PID1: variants seen among roughly 807,000 people sequenced by gnomAD.
The protein encoded by PID1 is PTB-containing, cubilin and LRP1-interacting protein.
Under a neutral mutation model 19.1 loss-of-function variants are expected in PID1, and 10 were observed. The observed-to-expected ratio is 0.52, with a 90% CI of 0.32 to 0.89. The LOEUF (loss-of-function observed/expected upper bound fraction) is 0.89. Among genes scored for constraint, PID1 ranks in the 40% least tolerant of loss-of-function variants. PID1 has a pLI of 0.03. For synonymous variants in PID1, 130 were observed against 116.0 expected, an observed-to-expected ratio of 1.12 and a Z score of -0.78; for missense variants, 248 against 285.3, an observed-to-expected ratio of 0.87 and a Z score of 0.94.
chr2:229,184,345 C>CAT (rs373286075), intron 1 of PID1, among the ~76,000 whole-genome samples: 24,902 of 27,300 alleles, frequency 0.91, 12,316 homozygotes, highest in Middle Eastern at 1. Context: ...ATATATATCC[C>CAT]ATATATATAT....
At chr2:229,174,735 AAAAAG>A (rs1344834055) in intron 1 of PID1, among the ~76,000 whole-genome samples, 101 of 152,210 alleles carry the variant, frequency 6.6e-4, no homozygotes, top group African/African-American at 2.4e-3. Context: ...AAAAAAAAAA[AAAAAG>A]AAAGAGAGTA....
chr2:229,192,599 C>T (rs1691283508), intron 1 of PID1, among the ~76,000 whole-genome samples: 1 of 152,118 alleles, frequency 6.6e-6, no homozygotes, highest in African/African-American at 2.4e-5. Context: ...AGGTTAACAA[C>T]AAAAGTATCT....
chr2:229,248,322 A>T (rs746856541), intron 1 of PID1, among the ~76,000 whole-genome samples: 21 of 152,146 alleles, frequency 1.4e-4, no homozygotes, highest in Admixed American at 4.6e-4. Flanking sequence ...TAGAGAATAC[A>T]TGCTCCTGGA....
intron 1 of PID1, among the ~76,000 whole-genome samples, chr2:229,231,502 C>T (rs887224577): frequency 3.9e-5 from 6 of 152,052 alleles, no homozygotes; most frequent in South Asian, 2.1e-4. Flanking sequence ...AGGCATTTAA[C>T]GTGTGCTCTC....
intron 1 of PID1, among the ~76,000 whole-genome samples, chr2:229,246,618 G>A (rs55923451): frequency 0.14 from 21,737 of 152,098 alleles, 1,756 homozygotes; most frequent in South Asian, 0.18. Context: ...AACCATCCAC[G>A]GAACAAATAA....
At chr2:229,245,604 G>GGCA (rs1403208638) in intron 1 of PID1, among the ~76,000 whole-genome samples, 1 of 152,028 alleles carries the variant, frequency 6.6e-6, no homozygotes, top group Non-Finnish European at 1.5e-5. Flanking sequence ...GGGGGTCTGG[G>GGCA]GCAGCTATGC....
chr2:229,248,391 T>C (rs1428114662), intron 1 of PID1, among the ~76,000 whole-genome samples: 1 of 152,240 alleles, frequency 6.6e-6, no homozygotes, highest in East Asian at 1.9e-4. Context: ...CAGACGATCA[T>C]GGTTTGCCTC....
chr2:229,112,389 C>T (rs888002280), intron 2 of PID1, among the ~76,000 whole-genome samples: 12 of 152,270 alleles, frequency 7.9e-5, no homozygotes, highest in African/African-American at 1.7e-4. Flanking sequence ...AAACGTTAAA[C>T]GCTCCTTAGC....
intron 2 of PID1, among the ~76,000 whole-genome samples, chr2:229,149,605 G>A (rs746656120): frequency 6.4e-4 from 98 of 152,060 alleles, no homozygotes; most frequent in Non-Finnish European, 1.3e-3. Flanking sequence ...TGAAGGCAAG[G>A]AATCTCAAAA....
At chr2:229,263,836 C>G (rs534009976) in intron 1 of PID1, among the ~76,000 whole-genome samples, 1 of 152,286 alleles carries the variant, frequency 6.6e-6, no homozygotes, top group Admixed American at 6.5e-5. Flanking sequence ...GGCTATGAAC[C>G]CCAGCTCTAC....
chr2:229,031,215 C>CAA lies in PID1; in HGVS notation c.178-5109_178-5108dup, dbSNP rs3083804. Among the ~76,000 whole-genome samples the CAA allele has an allele frequency of 2.9e-3, 197 of 68,418 alleles. 2 individuals are homozygous for CAA. Among genetic ancestry groups the CAA allele is most frequent in the African/African-American group, 0.012 (184 of 15,690 alleles). 44.9% of individuals were successfully genotyped at this position (68,418 alleles called of 152,430 possible). ...TGGGCAGCATAACGAGACTCTGTCT[C>CAA]AAAAAAAAAAAAAAAAAAGAAATAT... On this transcript the variant is annotated intron_variant, in intron 2 of 2. Transcript: ENST00000392055.
intron 2 of PID1, among the ~76,000 whole-genome samples, chr2:229,029,109 A>G (rs1030506187): frequency 2.1e-4 from 32 of 152,074 alleles, no homozygotes; most frequent in African/African-American, 7.7e-4. Context: ...GTTGAAAACT[A>G]CCTACCAAGC....
chr2:229,252,441 G>A (rs1690178310), intron 1 of PID1, among the ~76,000 whole-genome samples: 1 of 152,116 alleles, frequency 6.6e-6, no homozygotes, highest in Non-Finnish European at 1.5e-5. Context: ...GGACGTGCCA[G>A]CACACATCCT....
chr2:229,057,454 T>TAA (rs33998510), intron 2 of PID1, among the ~76,000 whole-genome samples: 97 of 119,922 alleles, frequency 8.1e-4, no homozygotes, highest in African/African-American at 2.5e-3. Context: ...AAACTCTGTC[T>TAA]AAAAAAAAAA....
intron 1 of PID1, among the ~76,000 whole-genome samples, chr2:229,261,570 T>C (rs1690461519): frequency 6.6e-6 from 1 of 152,202 alleles, no homozygotes; most frequent in Admixed American, 6.5e-5. Context: ...CCCACAACTA[T>C]AAAGCAACTC....
At chr2:229,111,920 G>T (rs776461535) in intron 2 of PID1, among the ~76,000 whole-genome samples, 4 of 152,182 alleles carry the variant, frequency 2.6e-5, no homozygotes, top group African/African-American at 4.8e-5. Flanking sequence ...ATTCTAGAGG[G>T]TTTAGCACGA....
intron 2 of PID1, among the ~76,000 whole-genome samples, chr2:229,076,431 C>A (rs572315408): frequency 7.4e-4 from 112 of 151,876 alleles, no homozygotes; most frequent in African/African-American, 2.6e-3. Flanking sequence ...TCTGGGATAA[C>A]TGTGCAGAAC....
At chr2:229,134,886 C>T (rs1419951) in intron 2 of PID1, among the ~76,000 whole-genome samples, 120,809 of 152,122 alleles carry the variant, frequency 0.79, 48,114 homozygotes, top group East Asian at 1. Flanking sequence ...ATGTATATTA[C>T]TTTTACTATG....
chr2:229,035,538 G>T (rs1303205865), intron 2 of PID1, among the ~76,000 whole-genome samples: 1 of 140,690 alleles, frequency 7.1e-6, no homozygotes, highest in East Asian at 2.0e-4. Context: ...GTGTGTGTGT[G>T]TGCACCAACC....
Sources: gnomAD v4.1 joint callset for allele counts (sites outside exome capture counted in the v4.1 genomes callset) on GRCh38, gnomAD v4.1.1 for gene constraint, MANE v1.5 for transcripts, NCBI Gene and HGNC (gene_info 2026-07-23, HGNC 2026-07-21) for gene names.